Variants in TXNRD2 observed in about 807,000 individuals in gnomAD.
The protein encoded by TXNRD2 is thioredoxin reductase 2, mitochondrial.
A neutral mutation model predicts 70.8 loss-of-function variants in TXNRD2; 67 were observed. That is an observed-to-expected ratio of 0.95 (90% CI 0.78 to 1.16). The LOEUF is 1.16. TXNRD2 is among the 50% of genes most tolerant of loss of function. The pLI, the probability that TXNRD2 is intolerant of heterozygous loss-of-function variation, is 0.00. For synonymous variants in TXNRD2, 301 were observed against 295.8 expected (o/e 1.02, Z -0.18); for missense variants, 644 against 719.9 (o/e 0.89, Z 1.21).
At chr22:19,921,574 A>C (rs1444948340) in intron 2 of TXNRD2, among the ~76,000 whole-genome samples, 3 of 152,124 alleles carry the variant, frequency 2.0e-5, no homozygotes, top group Non-Finnish European at 4.4e-5. Context: ...TCAGGTAACA[A>C]AGGACCTGAG....
At chr22:19,929,227 T>C (rs1186935208) in intron 2 of TXNRD2, among the ~76,000 whole-genome samples, 1 of 148,850 alleles carries the variant, frequency 6.7e-6, no homozygotes, top group African/African-American at 2.5e-5. Context: ...CTCGGGAGGC[T>C]GAGACAGGAG....
chr22:19,940,547 A>T (rs1941675620), intron 1 of TXNRD2, among the ~76,000 whole-genome samples: 1 of 152,142 alleles, frequency 6.6e-6, no homozygotes, highest in Admixed American at 6.5e-5. Flanking sequence ...CCGTGTCTGG[A>T]CTGTGAGTAT....
intron 9 of TXNRD2, 74 bp downstream of exon 9, chr22:19,898,975 G>C: frequency 6.3e-7 from 1 of 1,576,944 alleles, no homozygotes; most frequent in Non-Finnish European, 8.6e-7. Context: ...CCGGAAGGGC[G>C]GGTGGCAGGG....
intron 12 of TXNRD2, chr22:19,881,039 G>A (rs567023105): frequency 3.7e-4 from 187 of 499,928 alleles, no homozygotes; most frequent in Admixed American, 1.0e-3. Context: ...TGCTGACCTC[G>A]GAGGGCTGCC....
rs760335287 is a variant in TXNRD2, at chr22:19,937,612, C to T, written c.103+4089G>A. Among the ~76,000 whole-genome samples the T allele has an allele frequency of 3.9e-5, 6 of 152,202 alleles. No homozygotes were observed. The South Asian group carries it at 6.2e-4, about 16-fold the overall frequency. On this transcript the variant is annotated intron_variant, in intron 1 of 17. Coordinates refer to ENST00000400521, the MANE Select transcript of TXNRD2 (RefSeq NM_006440.5). ...ACCCACAGAGCTATTCTGTGGGCAC[C>T]GGCCATGAAGCACGGCAACCAAACT...
intron 8 of TXNRD2, among the ~76,000 whole-genome samples, chr22:19,904,195 G>A (rs894795829): frequency 1.3e-5 from 2 of 152,144 alleles, no homozygotes; most frequent in African/African-American, 4.8e-5. Context: ...CAAGGGTCCT[G>A]CTCACCCACC....
intron 11 of TXNRD2, chr22:19,893,894 G>A (rs936704611): frequency 1.8e-4 from 27 of 152,350 alleles, no homozygotes; most frequent in African/African-American, 5.3e-4. Flanking sequence ...TGAAAGCCAC[G>A]AGAAGGCTGG....
At chr22:19,897,823 C>A (rs1178069824) in intron 10 of TXNRD2, among the ~76,000 whole-genome samples, 1 of 152,216 alleles carries the variant, frequency 6.6e-6, no homozygotes, top group African/African-American at 2.4e-5. Flanking sequence ...CGGCTGGAGG[C>A]CTCTGTGCAG....
rs546577922 is a variant in TXNRD2, at chr22:19,925,519, A to G, written c.172+5511T>C. On this transcript the variant is annotated intron_variant, in intron 2 of 17. Coordinates refer to ENST00000400521, the MANE Select transcript of TXNRD2 (RefSeq NM_006440.5). ...TGAGATTTTCTCACACGATTTAAGT[A>G]TATTTTAAACAAAAATAATAATGAT... is the stretch of plus-strand genomic sequence containing the variant. Among the ~76,000 whole-genome samples the G allele has an allele frequency of 1.0e-3, 154 of 152,018 alleles. 4 individuals carry two copies. Among genetic ancestry groups the G allele is most frequent in the Admixed American group, 2.4e-3 (37 of 15,232 alleles).
chr22:19,915,136 C>G (rs1339542496), intron 7 of TXNRD2, 78 bp downstream of exon 7: 1 of 1,340,794 alleles, frequency 7.5e-7, no homozygotes, highest in Non-Finnish European at 1.1e-6. Context: ...GTGGGAAGCA[C>G]GTGTGTAAAA....
chr22:19,887,899 C>T (rs9618712), intron 11 of TXNRD2: 4,204 of 153,122 alleles, frequency 0.027, 192 homozygotes, highest in African/African-American at 0.095. Context: ...ACCACTGGCA[C>T]GTTGGCGAAC....
chr22:19,891,942 G>C (rs1402767274), intron 11 of TXNRD2, among the ~76,000 whole-genome samples: 1 of 152,246 alleles, frequency 6.6e-6, no homozygotes, highest in African/African-American at 2.4e-5. Context: ...CAATGTCCAT[G>C]GTCCTCGCCA....
chr22:19,880,114 C>T, intron 14 of TXNRD2, 65 bp downstream of exon 14: 1 of 1,555,432 alleles, frequency 6.4e-7, no homozygotes, highest in South Asian at 1.1e-5. Context: ...AAGGCCTCCG[C>T]CCAGAGCATG....
intron 11 of TXNRD2, among the ~76,000 whole-genome samples, chr22:19,885,866 C>T (rs1050971664): frequency 3.9e-5 from 6 of 152,218 alleles, no homozygotes; most frequent in Non-Finnish European, 7.3e-5. Flanking sequence ...AACCCTGTCC[C>T]CAGGTCCCGA....
intron 14 of TXNRD2, among the ~76,000 whole-genome samples, chr22:19,878,946 G>A (rs1026965422): frequency 6.6e-6 from 1 of 152,208 alleles, no homozygotes; most frequent in African/African-American, 2.4e-5. Flanking sequence ...CAGCGTGTCC[G>A]GGGCTGCGGC....
chr22:19,913,704 C>T (rs781655562), intron 7 of TXNRD2, among the ~76,000 whole-genome samples: 2 of 152,224 alleles, frequency 1.3e-5, no homozygotes, highest in Non-Finnish European at 2.9e-5. Context: ...ACTGTGCACA[C>T]ATCAGGAAGG....
intron 5 of TXNRD2, among the ~76,000 whole-genome samples, chr22:19,917,141 A>C (rs542682262): frequency 6.6e-6 from 1 of 152,324 alleles, no homozygotes; most frequent in Admixed American, 6.5e-5. Flanking sequence ...GAAAAAGCAG[A>C]AACAGCCCAG....
At chr22:19,893,404 G>A (rs2145963571) in intron 11 of TXNRD2, among the ~76,000 whole-genome samples, 1 of 152,366 alleles carries the variant, frequency 6.6e-6, no homozygotes, top group South Asian at 2.1e-4. Context: ...CAGGCACCGA[G>A]GTGGGTAGGA....
chr22:19,919,422 G>A (rs1940797428), intron 3 of TXNRD2, 121 bp downstream of exon 3: 3 of 909,508 alleles, frequency 3.3e-6, no homozygotes, highest in Middle Eastern at 4.2e-4. Context: ...ACAGGACACT[G>A]TCCAGAAACC....
Sources: allele counts gnomAD v4.1 joint callset (sites outside exome capture counted in the v4.1 genomes callset), GRCh38; gene constraint gnomAD v4.1.1; transcripts MANE v1.5; gene names NCBI Gene and HGNC (gene_info 2026-07-23, HGNC 2026-07-21).